The following CHODL variants were observed in gnomAD, a reference collection of about 807,000 sequenced individuals.
CHODL encodes the protein chondrolectin, also known as transmembrane protein MT75.
CHODL carries 29 observed loss-of-function variants against 34.5 expected under a neutral mutation model. That is an observed-to-expected ratio of 0.84 (90% confidence interval 0.63 to 1.15). The LOEUF is 1.15. Ranked by LOEUF, CHODL falls within the 50% of genes most tolerant of loss-of-function variation. The pLI, the probability that CHODL is intolerant of heterozygous loss-of-function variation, is 0.00. For missense variants in CHODL, 332 were observed against 332.5 expected (o/e 1.00, Z 0.01); for synonymous variants, 125 against 116.1 (o/e 1.08, Z -0.49).
rs551110176 is a variant in CHODL at position 17,941,070 on chromosome 21, A to G, written c.-145+23670A>G. 9.2e-5 allele frequency among the ~76,000 whole-genome samples: 14 copies of G among 152,328 alleles called. No homozygotes were observed. In the South Asian group the frequency reaches 2.5e-3, roughly 27 times the overall value. ...TGGTATAAAGAAACAGAAAGCCAAC[A>G]TGAATTGCTTGCCATCTCTTATCTC... On this transcript the variant is annotated intron_variant, in intron 1 of 6. Transcript: ENST00000400127.
chr21:18,115,340 A>G (rs2065399465), intron 2 of CHODL, among the ~76,000 whole-genome samples: 2 of 152,250 alleles, frequency 1.3e-5, no homozygotes, highest in South Asian at 4.1e-4. Context: ...TATTTTTGCA[A>G]TGTTAAGTGA....
chr21:18,002,598 A>G (rs965459977), intron 1 of CHODL, among the ~76,000 whole-genome samples: 15 of 152,138 alleles, frequency 9.9e-5, no homozygotes, highest in African/African-American at 3.4e-4. Context: ...CTAGTTCTCT[A>G]TGAGCATATC....
intron 2 of CHODL, among the ~76,000 whole-genome samples, chr21:18,088,200 G>A (rs1238390495): frequency 6.6e-6 from 1 of 152,120 alleles, no homozygotes; most frequent in African/African-American, 2.4e-5. Flanking sequence ...GACCGGAGAG[G>A]GTGAGGTCTC....
chr21:18,176,092 C>A (rs2073307331), intron 2 of CHODL, among the ~76,000 whole-genome samples: 1 of 152,008 alleles, frequency 6.6e-6, no homozygotes, highest in African/African-American at 2.4e-5. Flanking sequence ...TAAAGACATG[C>A]CGGTTATATT....
At chr21:18,021,789 G>A (rs927639903) in intron 1 of CHODL, among the ~76,000 whole-genome samples, 4 of 110,662 alleles carry the variant, frequency 3.6e-5, no homozygotes, top group Non-Finnish European at 7.3e-5. Flanking sequence ...AAAAAGGGTA[G>A]GAGAATGTAT....
intron 2 of CHODL, among the ~76,000 whole-genome samples, chr21:18,099,483 A>AATATG (rs1327486467): frequency 1.3e-5 from 2 of 151,780 alleles, no homozygotes; most frequent in Non-Finnish European, 2.9e-5. Context: ...GCAAATACCT[A>AATATG]ATATGATTTA....
intron 1 of CHODL, among the ~76,000 whole-genome samples, chr21:17,998,334 ATGGGCTGGCAT>A (rs1310946790): frequency 6.6e-6 from 1 of 152,096 alleles, no homozygotes; most frequent in Non-Finnish European, 1.5e-5. Context: ...GGCTGCTTTC[ATGGGCTGGCAT>A]TTAGTGTCTG....
intron 2 of CHODL, among the ~76,000 whole-genome samples, chr21:18,078,698 A>G (rs1405645322): frequency 6.6e-6 from 1 of 152,182 alleles, no homozygotes; most frequent in African/African-American, 2.4e-5. Context: ...ATGACCATAG[A>G]TTTCCACTCT....
intron 2 of CHODL, among the ~76,000 whole-genome samples, chr21:18,237,419 T>C (rs187397091): frequency 6.6e-6 from 1 of 152,260 alleles, no homozygotes; most frequent in Admixed American, 6.5e-5. Context: ...GGATTACTCT[T>C]GAAAACCTCC....
At chr21:18,223,355 TG>T (rs776639959) in intron 2 of CHODL, among the ~76,000 whole-genome samples, 4 of 152,242 alleles carry the variant, frequency 2.6e-5, no homozygotes, top group Non-Finnish European at 5.9e-5. Flanking sequence ...GTAGCTTTTT[TG>T]CAGAAGGTCA....
At chr21:17,986,573 A>G (rs921992159) in intron 1 of CHODL, among the ~76,000 whole-genome samples, 15 of 152,210 alleles carry the variant, frequency 9.9e-5, no homozygotes, top group African/African-American at 3.6e-4. Context: ...ATGGACGGAC[A>G]TTTGGGTTGG....
chr21:18,103,998 G>A (rs1378327356), intron 2 of CHODL, among the ~76,000 whole-genome samples: 1 of 152,174 alleles, frequency 6.6e-6, no homozygotes, highest in Non-Finnish European at 1.5e-5. Context: ...AAGACACAAT[G>A]AGACAATGTC....
intron 1 of CHODL, among the ~76,000 whole-genome samples, chr21:18,250,904 TA>T (rs1294610452): frequency 2.0e-5 from 3 of 151,912 alleles, no homozygotes; most frequent in Non-Finnish European, 4.4e-5. Flanking sequence ...CAGGAATTTG[TA>T]ATATGTCTTT....
chr21:18,262,769 T>C, intron 4 of CHODL, 22 bp from the exon 5 acceptor site: 1 of 1,309,212 alleles, frequency 7.6e-7, no homozygotes, highest in Non-Finnish European at 1.1e-6. Context: ...TCTTTTCACA[T>C]GAAGACTGTT....
intron 1 of CHODL, among the ~76,000 whole-genome samples, chr21:18,249,643 C>G (rs1366177815): frequency 6.6e-6 from 1 of 152,062 alleles, no homozygotes; most frequent in Non-Finnish European, 1.5e-5. Context: ...TGAAATATTT[C>G]ACCTTTATAT....
chr21:17,917,881 G>GTGTGTA (rs1284904870), intron 1 of CHODL, among the ~76,000 whole-genome samples: 1 of 151,912 alleles, frequency 6.6e-6, no homozygotes, highest in Non-Finnish European at 1.5e-5. Context: ...ATATGCGTGT[G>GTGTGTA]TGTGTGTGTA....
intron 2 of CHODL, among the ~76,000 whole-genome samples, chr21:18,149,455 G>A (rs538618974): frequency 6.6e-6 from 1 of 152,086 alleles, no homozygotes; most frequent in African/African-American, 2.4e-5. Context: ...AATTTGGGGG[G>A]GTTCTTTTTT....
chr21:18,128,296 C>CA (rs71189585), intron 2 of CHODL, among the ~76,000 whole-genome samples: 2 of 28,058 alleles, frequency 7.1e-5, no homozygotes, highest in Non-Finnish European at 6.2e-5. Context: ...GCAAGAGTCT[C>CA]AAAAAAAAAA....
chr21:17,937,837 C>T (rs1004530992), intron 1 of CHODL, among the ~76,000 whole-genome samples: 8 of 151,948 alleles, frequency 5.3e-5, no homozygotes, highest in African/African-American at 1.9e-4. Context: ...CTGTCAGTTA[C>T]TTAATCATTA....
Sources: gnomAD v4.1 joint callset for allele counts (sites outside exome capture counted in the v4.1 genomes callset) on GRCh38, gnomAD v4.1.1 for gene constraint, MANE v1.5 for transcripts, NCBI Gene and HGNC (gene_info 2026-07-23, HGNC 2026-07-21) for gene names.